The following HUWE1 variants were observed in gnomAD, a reference collection of about 807,000 sequenced individuals.
HUWE1 encodes E3 ubiquitin-protein ligase HUWE1.
A neutral mutation model predicts 299.4 loss-of-function variants in HUWE1; 18 were observed. The observed-to-expected ratio is 0.06, with a 90% CI of 0.04 to 0.09. HUWE1 has a LOEUF of 0.09. Ranked by LOEUF, HUWE1 falls within the 10% of genes least tolerant of loss-of-function variation. The pLI is 1.00. For missense variants in HUWE1, 1,832 were observed against 3,462.3 expected (o/e 0.53, Z 11.82); for synonymous variants, 1,317 against 1,286.1 (o/e 1.02, Z -0.51).
chrX:53,624,262 G>A (rs1167513032), intron 19 of HUWE1, among the ~76,000 whole-genome samples: 4 of 111,043 alleles, frequency 3.6e-5, no homozygotes, highest in Non-Finnish European at 5.7e-5. Flanking sequence ...TGGGATTACA[G>A]GCAGGAGCTT....
intron 6 of HUWE1, among the ~76,000 whole-genome samples, chrX:53,646,993 T>G (rs931284051): frequency 9.0e-6 from 1 of 111,108 alleles, no homozygotes; most frequent in Non-Finnish European, 1.9e-5. Flanking sequence ...CTTAGAGGAG[T>G]AGTAAGTACA....
Position 53,569,847 on chromosome X carries a change from G to A in HUWE1, c.6313-20C>T, listed in dbSNP as rs978055817. ...GCAGTCCTGAAAAGTCATGAATCACGACATTTACTTACAAGCACAATTATG... is the reference window on the plus strand; with the variant it reads ...GCAGTCCTGAAAAGTCATGAATCACAACATTTACTTACAAGCACAATTATG... On this transcript the variant is annotated intron_variant, in intron 47 of 83. Transcript: ENST00000262854. The A allele has an allele frequency of 1.7e-6, 2 of 1,160,442 alleles. No homozygotes were observed. The highest frequency in any genetic ancestry group is 3.0e-5 in the East Asian group (1 of 33,658).
intron 47 of HUWE1, among the ~76,000 whole-genome samples, chrX:53,571,227 A>G (rs1388953913): frequency 1.8e-5 from 2 of 112,415 alleles, no homozygotes; most frequent in African/African-American, 6.5e-5. Flanking sequence ...TATTAGGCAG[A>G]TACTTAATAA....
At chrX:53,624,450 T>C in intron 19 of HUWE1, 145 bp downstream of exon 19, 2 of 508,356 alleles carry the variant, frequency 3.9e-6, no homozygotes, top group Non-Finnish European at 7.0e-6. Flanking sequence ...TGAGCCAAGA[T>C]TGCGCCACTA....
At chrX:53,684,029 C>T (rs1384474694) in intron 2 of HUWE1, 2 of 292,983 alleles carry the variant, frequency 6.8e-6, no homozygotes, top group East Asian at 9.7e-5. Context: ...CCCGCGAGAA[C>T]CTCTACCGGA....
At chrX:53,588,631 A>G (rs1381644950) in intron 36 of HUWE1, 97 bp from the exon 37 acceptor site, 1 of 822,588 alleles carries the variant, frequency 1.2e-6, no homozygotes. Flanking sequence ...CTCTGCCTCC[A>G]ACACATTCAC....
chrX:53,534,385 G>A (rs1411445597), intron 82 of HUWE1, 131 bp downstream of exon 82: 10 of 681,539 alleles, frequency 1.5e-5, no homozygotes, highest in Non-Finnish European at 2.0e-5. Flanking sequence ...AGAACAAAGA[G>A]TTAGATATAG....
intron 48 of HUWE1, 35 bp downstream of exon 48, chrX:53,569,581 T>C (rs1556948849): frequency 8.6e-7 from 1 of 1,162,272 alleles, no homozygotes. Flanking sequence ...GGGGATGTTC[T>C]TGGCTATTAG....
At chrX:53,562,698 G>A (rs1280395259) in intron 53 of HUWE1, 133 bp downstream of exon 53, 1 of 536,489 alleles carries the variant, frequency 1.9e-6, no homozygotes, top group Non-Finnish European at 3.3e-6. Flanking sequence ...AGTGGATGGT[G>A]TATGTCAGCG....
intron 66 of HUWE1, 108 bp downstream of exon 66, chrX:53,550,558 C>T: frequency 1.5e-6 from 1 of 687,402 alleles, no homozygotes; most frequent in Non-Finnish European, 2.3e-6. Flanking sequence ...CTTAGAGAGA[C>T]CATCCATCCT....
intron 32 of HUWE1, among the ~76,000 whole-genome samples, 185 bp downstream of exon 32, chrX:53,593,179 C>T (rs1287027330): frequency 8.9e-6 from 1 of 112,489 alleles, no homozygotes; most frequent in African/African-American, 3.2e-5. Flanking sequence ...CTGAAATTTA[C>T]AGCTCAAATG....
chrX:53,616,075 G>C lies in HUWE1; in HGVS notation c.1958-240C>G, dbSNP rs781892591. 3.7e-5 allele frequency among the ~76,000 whole-genome samples: 4 copies of C among 109,192 alleles called. 1 individual carries two copies. Among genetic ancestry groups the C allele is most frequent in the Admixed American group, 1.9e-4 (2 of 10,282 alleles). 94.8% of individuals were successfully genotyped at this position (109,192 alleles called of 115,157 possible). The stretch of plus-strand genomic sequence containing the variant: ...CTACAGGTGTGCGCCTCCGTGACTG[G>C]AGAAATTTTTTTTTTGGTAGAGATG... On this transcript the variant is annotated intron_variant, in intron 21 of 83. Transcript: ENST00000262854.
At chrX:53,558,348 A>AT (rs1556937137) in intron 59 of HUWE1, among the ~76,000 whole-genome samples, 1 of 111,588 alleles carries the variant, frequency 9.0e-6, no homozygotes, top group Non-Finnish European at 1.9e-5. Context: ...ATGGACTTAG[A>AT]TAAGGTTTTT....
intron 50 of HUWE1, 138 bp downstream of exon 50, chrX:53,564,929 G>A: frequency 1.2e-6 from 1 of 809,555 alleles, no homozygotes; most frequent in Non-Finnish European, 1.9e-6. Flanking sequence ...TTGTGGGGCA[G>A]ATTCCCACGC....
Position 53,586,518 on chromosome X carries a change from G to A in HUWE1, c.4796C>T (p.Ser1599Phe). The change falls in exon 39 of 84, where the codon TCC (serine) becomes TTC (phenylalanine). Residue 1599 changes from serine to phenylalanine, a missense_variant. Ser to Phe is a radical substitution (Grantham distance 155). Around this residue, in one of 15 missense-constraint regions of HUWE1, gnomAD observed 658 missense variants for 1,282.6 expected, o/e 0.51. Transcript: ENST00000262854. ...AGTCATCTGGGCTCTCCTTTTTGAG[G>A]AGATGGCTGTCTTTTCATAGAAATC... ...LIDFYEKTAI[S>F]SKRRAQMTKY... The A allele has an allele frequency of 8.3e-7, 1 of 1,206,441 alleles. No homozygotes were observed. The highest frequency in any genetic ancestry group is 1.1e-6 in the Non-Finnish European group (1 of 891,029).
At chrX:53,625,913 AGGGCTG>A (rs1569498486) in intron 17 of HUWE1, 1 of 364,700 alleles carries the variant, frequency 2.7e-6, no homozygotes, top group Non-Finnish European at 5.4e-6. Context: ...GACTGGGACC[AGGGCTG>A]GGGCCAGAAG....
chrX:53,620,662 T>C (rs1478016083), intron 19 of HUWE1, among the ~76,000 whole-genome samples: 2 of 111,989 alleles, frequency 1.8e-5, no homozygotes, highest in East Asian at 2.8e-4. Flanking sequence ...CTTTTGCCGA[T>C]TGCCTTAGTT....
chrX:53,683,934 C>G (rs1424037484), intron 2 of HUWE1: 1 of 292,238 alleles, frequency 3.4e-6, no homozygotes, highest in East Asian at 4.9e-5. Context: ...AATTCTCCGG[C>G]TTAGAACGGC....
chrX:53,673,937 T>C (rs186780146), intron 3 of HUWE1, among the ~76,000 whole-genome samples: 2 of 111,305 alleles, frequency 1.8e-5, no homozygotes, highest in Non-Finnish European at 3.8e-5. Flanking sequence ...TTTTAAAACA[T>C]AAATAGCATC....
Sources: gnomAD v4.1 joint callset for allele counts (sites outside exome capture counted in the v4.1 genomes callset) on GRCh38, gnomAD v4.1.1 for gene constraint, gnomAD v4.1.1 regional missense constraint, MANE v1.5 for transcripts, NCBI Gene and HGNC (gene_info 2026-07-23, HGNC 2026-07-21) for gene names.